The following USP31 variants were observed in gnomAD, a reference collection of about 807,000 sequenced individuals.
The protein encoded by USP31 is ubiquitin specific peptidase 31, also known as ubiquitin carboxyl-terminal hydrolase 31.
USP31 carries 44 observed loss-of-function variants against 119.4 expected under a neutral mutation model. The observed-to-expected ratio is 0.37, with a 90% CI of 0.29 to 0.47. The LOEUF is 0.47. USP31 is among the 20% of genes least tolerant of loss of function. USP31 has a pLI of 0.99. For synonymous variants in USP31, 749 were observed against 705.6 expected, an observed-to-expected ratio of 1.06 and a Z score of -0.97; for missense variants, 1,643 against 1,730.2, an observed-to-expected ratio of 0.95 and a Z score of 0.89.
intron 5 of USP31, among the ~76,000 whole-genome samples, chr16:23,103,761 A>G (rs1286539406): frequency 6.6e-6 from 1 of 152,102 alleles, no homozygotes; most frequent in Non-Finnish European, 1.5e-5. Context: ...CGAAAAATAC[A>G]AAAATCAGCT....
chr16:23,081,788 T>TTA (rs1900840198), intron 12 of USP31, among the ~76,000 whole-genome samples: 1 of 152,210 alleles, frequency 6.6e-6, no homozygotes, highest in Non-Finnish European at 1.5e-5. Context: ...TCGTGCAGGC[T>TTA]GTGCTTTCTC....
intron 1 of USP31, among the ~76,000 whole-genome samples, chr16:23,136,006 A>G (rs1903177556): frequency 6.6e-6 from 1 of 152,230 alleles, no homozygotes. Context: ...ACGGACATAT[A>G]AATCAATGGA....
rs544673942 is a variant in USP31 at position 23,077,389 on chromosome 16, G to C, written c.2176+2557C>G. Among the ~76,000 whole-genome samples, 6 of 152,326 alleles carry C rather than the reference G, an allele frequency of 3.9e-5. No individual in the cohort carries two copies. In the East Asian group the frequency reaches 1.2e-3, roughly 29 times the overall value. On this transcript the variant is annotated intron_variant, in intron 13 of 15. Coordinates refer to ENST00000219689, the MANE Select transcript of USP31 (RefSeq NM_020718.4). ...GGTTTCAAGAATAAAAGATTATTGTGTCCAGTAATCTTCCCCAACCCCGGC... is the reference window on the plus strand; with the variant it reads ...GGTTTCAAGAATAAAAGATTATTGTCTCCAGTAATCTTCCCCAACCCCGGC...
chr16:23,072,252 G>A (rs1467011322), intron 14 of USP31, 55 bp from the exon 15 acceptor site: 3 of 1,561,704 alleles, frequency 1.9e-6, no homozygotes, highest in Middle Eastern at 1.7e-4. Context: ...GGCCAGCCCT[G>A]AGCCACACAC....
At chr16:23,137,219 A>T (rs991277931) in intron 1 of USP31, among the ~76,000 whole-genome samples, 8 of 151,882 alleles carry the variant, frequency 5.3e-5, no homozygotes, top group African/African-American at 1.9e-4. Flanking sequence ...TCTCAAACAA[A>T]CAAACAAAAA....
chr16:23,147,191 G>A (rs953328606), intron 1 of USP31, among the ~76,000 whole-genome samples: 3 of 152,020 alleles, frequency 2.0e-5, no homozygotes, highest in Non-Finnish European at 4.4e-5. Flanking sequence ...TCACTGCAAC[G>A]TCCGCCTCCC....
intron 1 of USP31, among the ~76,000 whole-genome samples, chr16:23,143,595 G>A (rs979200733): frequency 7.1e-5 from 10 of 139,944 alleles, no homozygotes; most frequent in African/African-American, 2.2e-4. Context: ...TGGGGGGGGG[G>A]AGAGAGAGAG....
At chr16:23,076,224 A>G (rs1166299250) in intron 13 of USP31, among the ~76,000 whole-genome samples, 1 of 151,938 alleles carries the variant, frequency 6.6e-6, no homozygotes, top group Non-Finnish European at 1.5e-5. Flanking sequence ...ATCATGGCAC[A>G]TGTTTACCTA....
rs751694274 is a variant in USP31 at position 23,087,081 on chromosome 16, AT to A, written c.1622+10del. On this transcript the variant is annotated intron_variant, in intron 9 of 15. Coordinates refer to ENST00000219689, the MANE Select transcript of USP31 (RefSeq NM_020718.4). ...ATTCTAAAAGGTAATTTAAAAAAAA[AT>A]TTTTTTTACCTTTCTACTATTGGGT... 10 of 1,594,220 alleles carry A rather than the reference AT, an allele frequency of 6.3e-6. No homozygotes were observed. Among genetic ancestry groups the A allele is most frequent in the South Asian group, 2.3e-5 (2 of 87,540 alleles).
At chr16:23,097,796 T>G (rs925824245) in intron 6 of USP31, among the ~76,000 whole-genome samples, 1 of 151,790 alleles carries the variant, frequency 6.6e-6, no homozygotes, top group African/African-American at 2.4e-5. Context: ...AAAAACTCAG[T>G]AAACTAGGCA....
rs147004457 is a variant in USP31 at position 23,069,289 on chromosome 16, C to G, written c.2816G>C (p.Arg939Pro). 49 of 1,611,016 alleles carry G rather than the reference C, an allele frequency of 3.0e-5. No individual in the cohort carries two copies. Among genetic ancestry groups the G allele is most frequent in the Non-Finnish European group, 4.1e-5 (48 of 1,178,556 alleles). ...GCCTTCCATGACAGCCAGAGGGGCC[C>G]GGCCCACAGCCTTGTGCTCACGGCG... is the stretch of plus-strand genomic sequence containing the variant. ...HSRREHKAVG[R>P]APLAVMEGVF... Residue 939 changes from arginine (R) to proline (P), a missense_variant, in exon 16 of 16, where the codon CGG becomes CCG. This residue lies in a region of USP31 where 699 missense variants were observed against 650.9 expected (regional missense o/e 1.07). Transcript: ENST00000219689.
In USP31 at chr16:23,066,765, G is replaced by A. The variant is rs1021323371; in HGVS notation, c.*1281C>T. ...GCTTATCTGTGAGGTTTTTTTTGGTGAGGTTCTCCTTTGTAAGAAATGCAA... is the reference window on the plus strand; with the variant it reads ...GCTTATCTGTGAGGTTTTTTTTGGTAAGGTTCTCCTTTGTAAGAAATGCAA... On this transcript the variant is annotated 3_prime_UTR_variant, in exon 16 of 16. Transcript: ENST00000219689. 3.3e-5 allele frequency: 5 copies of A among 152,096 alleles called. No homozygotes were observed. Among genetic ancestry groups the A allele is most frequent in the Admixed American group, 3.3e-4 (5 of 15,274 alleles). 9.4% of individuals were successfully genotyped at this position (152,096 alleles called of 1,614,324 possible).
At chr16:23,139,324 C>A (rs1903283660) in intron 1 of USP31, among the ~76,000 whole-genome samples, 2 of 152,124 alleles carry the variant, frequency 1.3e-5, no homozygotes, top group Admixed American at 1.3e-4. Flanking sequence ...ATCACTTGAA[C>A]CTAGGAGGCA....
intron 6 of USP31, among the ~76,000 whole-genome samples, chr16:23,092,144 T>TG (rs1901390559): frequency 6.6e-6 from 1 of 152,148 alleles, no homozygotes; most frequent in African/African-American, 2.4e-5. Flanking sequence ...ACCAGTAATG[T>TG]GGGGAAAGCA....
At chr16:23,102,263 G>A (rs766273347) in intron 6 of USP31, 56 bp downstream of exon 6, 18 of 1,550,574 alleles carry the variant, frequency 1.2e-5, no homozygotes, top group African/African-American at 2.8e-5. Flanking sequence ...TAAAAAGGTA[G>A]ACTATAGTTA....
At chr16:23,106,169 A>G in intron 4 of USP31, 44 bp downstream of exon 4, 1 of 1,608,498 alleles carries the variant, frequency 6.2e-7, no homozygotes, top group Non-Finnish European at 8.5e-7. Context: ...GCAAAGGGAT[A>G]CCATAAGAAA....
rs1900047861 is a variant in USP31, at chr16:23,065,914, T to C, written c.*2132A>G. 1 of 152,204 alleles carries C rather than the reference T, an allele frequency of 6.6e-6. No homozygotes were observed. The highest frequency in any genetic ancestry group is 2.4e-5 in the African/African-American group (1 of 41,442). 9.4% of individuals were successfully genotyped at this position (152,204 alleles called of 1,614,324 possible). ...ATGAGATCTACCTATTAAACAAAAA[T>C]GAGAGGTTTGAGTTAGACATTCAAT... On this transcript the variant is annotated 3_prime_UTR_variant, in exon 16 of 16. Transcript: ENST00000219689.
At chr16:23,101,623 T>A (rs1199503346) in intron 6 of USP31, among the ~76,000 whole-genome samples, 1 of 152,146 alleles carries the variant, frequency 6.6e-6, no homozygotes, top group African/African-American at 2.4e-5. Context: ...AGAATTTGCA[T>A]TTCTAACCAG....
chr16:23,088,229 ATTC>A (rs1195509554), intron 7 of USP31, among the ~76,000 whole-genome samples: 2 of 152,182 alleles, frequency 1.3e-5, no homozygotes, highest in Non-Finnish European at 2.9e-5. Context: ...AGGCAGCCAC[ATTC>A]TTGAGTCTCT....
Sources: allele counts gnomAD v4.1 joint callset (sites outside exome capture counted in the v4.1 genomes callset), GRCh38; gene constraint gnomAD v4.1.1; regional missense constraint gnomAD v4.1.1; transcripts MANE v1.5; gene names NCBI Gene and HGNC (gene_info 2026-07-23, HGNC 2026-07-21).